The following SEMA3E variants were observed in gnomAD, a reference collection of about 807,000 sequenced individuals.
SEMA3E encodes semaphorin-3E.
In SEMA3E, 49 loss-of-function variants were observed where a neutral mutation model predicts 93.6. The observed-to-expected ratio is 0.52, with a 90% CI of 0.42 to 0.66. SEMA3E has a LOEUF of 0.66. Among genes scored for constraint, SEMA3E ranks in the 30% least tolerant of loss-of-function variants. The pLI is 0.00. For missense variants in SEMA3E, 906 were observed against 964.8 expected, an observed-to-expected ratio of 0.94 and a Z score of 0.81; for synonymous variants, 363 against 330.7, an observed-to-expected ratio of 1.10 and a Z score of -1.06.
intron 16 of SEMA3E, 103 bp downstream of exon 16, chr7:83,385,191 T>A: frequency 2.3e-6 from 3 of 1,292,172 alleles, no homozygotes; most frequent in Middle Eastern, 1.9e-4. Flanking sequence ...GCATGCATAG[T>A]ACAACAGCTA....
chr7:83,614,910 ATAGTTTGAATGAC>A (rs746793775), intron 1 of SEMA3E, among the ~76,000 whole-genome samples: 1 of 152,148 alleles, frequency 6.6e-6, no homozygotes, highest in Non-Finnish European at 1.5e-5. Context: ...AGATTAATAA[ATAGTTTGAATGAC>A]TAGTTCACCA....
At chr7:83,498,523 G>A (rs912507266) in intron 1 of SEMA3E, among the ~76,000 whole-genome samples, 4 of 150,500 alleles carry the variant, frequency 2.7e-5, no homozygotes, top group Non-Finnish European at 5.9e-5. Context: ...TGTTGCCCCC[G>A]CTGGAGTGCA....
intron 2 of SEMA3E, among the ~76,000 whole-genome samples, chr7:83,469,955 T>G (rs1324797797): frequency 6.6e-6 from 1 of 151,832 alleles, no homozygotes; most frequent in Middle Eastern, 3.2e-3. Flanking sequence ...CCAGCTAATT[T>G]TTTTGTATTT....
Position 83,407,132 on chromosome 7 carries a change from G to C in SEMA3E, c.778C>G (p.His260Asp). Residue 260 changes from histidine to aspartate, a missense_variant, in exon 7 of 17, where the codon CAC becomes GAC. Transcript: ENST00000643230. ...EKALEAENNAHAIYTRVGRLC... is the reference protein window; with the variant it reads ...EKALEAENNADAIYTRVGRLC... ...CGCCCGACCCTGGTGTAAATTGCGT[G>C]AGCATTGTTTTCTGCCTCCAGTGCC... The C allele has an allele frequency of 6.2e-7, 1 of 1,613,596 alleles. No individual in the cohort carries two copies. The highest frequency in any genetic ancestry group is 1.1e-5 in the South Asian group (1 of 91,076).
At chr7:83,626,906 T>A (rs956239070) in intron 1 of SEMA3E, among the ~76,000 whole-genome samples, 1 of 152,178 alleles carries the variant, frequency 6.6e-6, no homozygotes, top group African/African-American at 2.4e-5. Flanking sequence ...GTAAGTTTTG[T>A]CTTTCTTCTC....
intron 4 of SEMA3E, among the ~76,000 whole-genome samples, chr7:83,460,866 CCA>C (rs1459969175): frequency 1.3e-5 from 2 of 151,512 alleles, no homozygotes; most frequent in Non-Finnish European, 2.9e-5. Context: ...ACCCCCAAAC[CCA>C]TTCCCTCCAT....
chr7:83,508,097 A>G (rs1190738758), intron 1 of SEMA3E, among the ~76,000 whole-genome samples: 2 of 152,182 alleles, frequency 1.3e-5, no homozygotes, highest in African/African-American at 2.4e-5. Context: ...AAACTTGTCA[A>G]TTACAGCCCT....
intron 11 of SEMA3E, among the ~76,000 whole-genome samples, chr7:83,397,097 T>C (rs1436557978): frequency 6.7e-6 from 1 of 148,628 alleles, no homozygotes; most frequent in Non-Finnish European, 1.5e-5. Flanking sequence ...AAAAAAAAAG[T>C]AGCGACTATA....
At chr7:83,642,317 G>C (rs893079812) in intron 1 of SEMA3E, among the ~76,000 whole-genome samples, 4 of 152,102 alleles carry the variant, frequency 2.6e-5, no homozygotes, top group Non-Finnish European at 5.9e-5. Context: ...ATAGGTGTTA[G>C]AACTAGGGCT....
In SEMA3E at chr7:83,385,338, C is replaced by T. The variant is rs1178833915; in HGVS notation, c.1831G>A (p.Val611Ile). ...ECTPRSLQAK[V>I]IWFVQKGRET... ...CGTCCTTTCTGTACAAACCAGATAA[C>T]TTTCGCTTGTAAAGATCGTGGGGTA... The change falls in exon 16 of 17, where the codon GTT becomes ATT. Residue 611 changes from valine (V) to isoleucine (I), a missense_variant. Val to Ile is a conservative substitution (Grantham distance 29). Coordinates refer to ENST00000643230, the MANE Select transcript of SEMA3E (RefSeq NM_012431.3). 3 of 1,613,486 alleles carry T rather than the reference C, an allele frequency of 1.9e-6. No individual in the cohort carries two copies. The highest frequency in any genetic ancestry group is 1.7e-5 in the Admixed American group (1 of 59,978).
At chr7:83,398,470 A>G (rs768022616) in intron 11 of SEMA3E, among the ~76,000 whole-genome samples, 3 of 152,188 alleles carry the variant, frequency 2.0e-5, no homozygotes, top group Non-Finnish European at 4.4e-5. Flanking sequence ...GAGTGAATTT[A>G]TGGCCAAGTA....
chr7:83,381,075 A>T (rs1375041667), intron 16 of SEMA3E, among the ~76,000 whole-genome samples: 5 of 151,972 alleles, frequency 3.3e-5, no homozygotes, highest in Non-Finnish European at 7.4e-5. Context: ...TTCCACCTTT[A>T]TCCCCATCCC....
chr7:83,494,137 G>A (rs1790441808), intron 1 of SEMA3E, among the ~76,000 whole-genome samples: 1 of 151,760 alleles, frequency 6.6e-6, no homozygotes, highest in Non-Finnish European at 1.5e-5. Context: ...TTTCTAGGGA[G>A]TAAGGGTAAG....
intron 4 of SEMA3E, among the ~76,000 whole-genome samples, chr7:83,459,875 C>T (rs1789573535): frequency 6.6e-6 from 1 of 152,166 alleles, no homozygotes; most frequent in East Asian, 1.9e-4. Context: ...CTTCTCCTGG[C>T]TCATCCTGGC....
intron 4 of SEMA3E, among the ~76,000 whole-genome samples, chr7:83,453,089 G>A (rs554787411): frequency 2.0e-4 from 30 of 152,140 alleles, no homozygotes; most frequent in Admixed American, 3.9e-4. Context: ...ATGCAGTGGC[G>A]CAATCTCGGC....
intron 1 of SEMA3E, among the ~76,000 whole-genome samples, chr7:83,594,575 G>A (rs1339630529): frequency 6.6e-6 from 1 of 152,050 alleles, no homozygotes; most frequent in Non-Finnish European, 1.5e-5. Context: ...TTTTCTGGAA[G>A]GGTATGAATT....
chr7:83,512,991 G>A (rs902974264), intron 1 of SEMA3E, among the ~76,000 whole-genome samples: 2 of 152,074 alleles, frequency 1.3e-5, no homozygotes, highest in Non-Finnish European at 2.9e-5. Context: ...TTTGAAACAC[G>A]GATAGTAAAG....
chr7:83,571,204 C>T (rs1052481079), intron 1 of SEMA3E, among the ~76,000 whole-genome samples: 3 of 152,136 alleles, frequency 2.0e-5, no homozygotes, highest in African/African-American at 7.2e-5. Flanking sequence ...AGCAGGGGCT[C>T]CTCTCTAACT....
intron 1 of SEMA3E, among the ~76,000 whole-genome samples, chr7:83,531,290 T>A (rs545557425): frequency 6.6e-6 from 1 of 151,734 alleles, no homozygotes; most frequent in Admixed American, 6.6e-5. Flanking sequence ...CATAGTTTTT[T>A]TTTTTTTAAC....
Sources: allele counts gnomAD v4.1 joint callset (sites outside exome capture counted in the v4.1 genomes callset), GRCh38; gene constraint gnomAD v4.1.1; transcripts MANE v1.5; gene names NCBI Gene and HGNC (gene_info 2026-07-23, HGNC 2026-07-21).